The following ELP5 variants were observed in gnomAD, a reference collection of about 807,000 sequenced individuals.
The protein encoded by ELP5 is elongator complex protein 5.
In ELP5, 34 loss-of-function variants were observed where a neutral mutation model predicts 33.4. The ratio of observed to expected loss-of-function variants is 1.02; its 90% CI spans 0.78 to 1.36. ELP5 has a LOEUF of 1.36. Among genes scored for constraint, ELP5 ranks in the 40% most tolerant of loss-of-function variants. ELP5 has a pLI of 0.00. For missense variants in ELP5, 373 were observed against 371.7 expected (o/e 1.00, Z -0.03); for synonymous variants, 161 against 146.4 (o/e 1.10, Z -0.72).
At chr17:7,252,707 A>G in intron 1 of ELP5, 63 bp from the exon 2 acceptor site, 1 of 1,612,538 alleles carries the variant, frequency 6.2e-7, no homozygotes, top group South Asian at 1.1e-5. Context: ...GGAAATCGCG[A>G]CGGGTTCGCG....
At chr17:7,256,213 G>C (rs2072071698) in intron 4 of ELP5, among the ~76,000 whole-genome samples, 4 of 152,204 alleles carry the variant, frequency 2.6e-5, no homozygotes. Flanking sequence ...GCCAGGCGTG[G>C]TGGCACGCGC....
rs745505995 is a variant in ELP5 at position 7,256,937 on chromosome 17, C to T, written c.490C>T (p.Leu164Phe). ...TCATGGACCAGGCCCTGTGGGAGCT[C>T]TCAGCAGCCTTGCTCAGACTGAGGT... is the stretch of plus-strand genomic sequence containing the variant. The part of the protein sequence containing the change: ...ELHGPGPVGA[L>F]SSLAQTEVTL... The change falls in exon 5 of 8, where the codon CTC becomes TTC. Residue 164 changes from leucine (L) to phenylalanine (F), a missense_variant. Leu to Phe is a conservative substitution (Grantham distance 22, BLOSUM62 0). Coordinates refer to ENST00000396628, the MANE Select transcript of ELP5 (RefSeq NM_203414.3). 4 of 1,613,944 alleles carry T rather than the reference C, an allele frequency of 2.5e-6. No individual in the cohort carries two copies. Among genetic ancestry groups the T allele is most frequent in the Non-Finnish European group, 3.4e-6 (4 of 1,180,040 alleles).
At chr17:7,256,269 C>T (rs527625073) in intron 4 of ELP5, among the ~76,000 whole-genome samples, 2 of 152,082 alleles carry the variant, frequency 1.3e-5, no homozygotes, top group South Asian at 2.1e-4. Context: ...TTGTTGAGCC[C>T]GTAGCAGGGG....
chr17:7,252,675 C>A, intron 1 of ELP5, 79 bp downstream of exon 1: 1 of 1,604,286 alleles, frequency 6.2e-7, no homozygotes, highest in Non-Finnish European at 8.5e-7. Context: ...GCAGGAAGGG[C>A]CAGGGGTCAC....
chr17:7,255,291 C>T (rs1193158498), intron 4 of ELP5, among the ~76,000 whole-genome samples: 4 of 151,546 alleles, frequency 2.6e-5, no homozygotes, highest in Non-Finnish European at 5.9e-5. Flanking sequence ...TTTGGGAGGC[C>T]GAGGTGGGTA....
At chr17:7,253,037 C>G in intron 3 of ELP5, 39 bp downstream of exon 3, 12 of 1,592,252 alleles carry the variant, frequency 7.5e-6, no homozygotes, top group Non-Finnish European at 1.0e-5. Flanking sequence ...AAATTTGAGA[C>G]CTATAATGCT....
At chr17:7,259,498 C>T in intron 7 of ELP5, 73 bp from the exon 8 acceptor site, 2 of 1,594,252 alleles carry the variant, frequency 1.3e-6, no homozygotes, top group Non-Finnish European at 1.7e-6. Flanking sequence ...ATGAGAGTCA[C>T]AGTCACCTGG....
chr17:7,256,373 G>A (rs1024138277), intron 4 of ELP5, among the ~76,000 whole-genome samples: 1 of 152,206 alleles, frequency 6.6e-6, no homozygotes, highest in African/African-American at 2.4e-5. Flanking sequence ...ATTGTTAAAT[G>A]TCAGTGATTT....
chr17:7,258,675 A>G lies in ELP5; in HGVS notation c.679A>G (p.Ile227Val), dbSNP rs2072136255. The G allele has an allele frequency of 1.2e-6, 2 of 1,614,096 alleles. No homozygotes were observed. The highest frequency in any genetic ancestry group is 1.7e-6 in the Non-Finnish European group (2 of 1,180,026). Residue 227 changes from isoleucine to valine, a missense_variant, in exon 6 of 8, where the codon ATA (isoleucine) becomes GTA (valine). By Grantham distance (29) the Ile-to-Val change is conservative. Coordinates refer to ENST00000396628, the MANE Select transcript of ELP5 (RefSeq NM_203414.3). ...GTCCCAGCCCTACTCCGATCCTCAT[A>G]TACCCCCGGTATCTAAGAATGCCAA... is the stretch of plus-strand genomic sequence containing the variant. ...VESQPYSDPHIPPVDPTTHLT... is the reference protein window; with the variant it reads ...VESQPYSDPHVPPVDPTTHLT...
At chr17:7,251,795 G>A (rs1280803282), upstream of ELP5, 1 of 147,492 alleles carries the variant, frequency 6.8e-6, no homozygotes, top group African/African-American at 2.5e-5. Flanking sequence ...AGCGGAGAAC[G>A]GGCCTGCAGA....
rs753485217 is a variant in ELP5, at chr17:7,259,571, A to ACAG, written c.793_795dup (p.Gln265dup). 4.9e-5 allele frequency: 79 copies of ACAG among 1,614,038 alleles called. No individual in the cohort carries two copies. The Admixed American group carries it at 1.3e-3, about 27-fold the overall frequency. ...CCAGCACCAAATCTTCCCTTCTCAG[A>ACAG]CAGCAGGCTCTCCTGCGGCCTAGGC... On this transcript the variant is annotated inframe_insertion and splice_region_variant, in exon 8 of 8. Coordinates refer to ENST00000396628, the MANE Select transcript of ELP5 (RefSeq NM_203414.3).
chr17:7,258,362 T>C (rs371517326), intron 5 of ELP5, among the ~76,000 whole-genome samples: 3 of 150,104 alleles, frequency 2.0e-5, no homozygotes, highest in African/African-American at 7.4e-5. Flanking sequence ...GGCAGGAGAA[T>C]CACTTGAACC....
chr17:7,257,236 G>A (rs999042036), intron 5 of ELP5, among the ~76,000 whole-genome samples, 198 bp downstream of exon 5: 8 of 152,166 alleles, frequency 5.3e-5, no homozygotes, highest in Non-Finnish European at 8.8e-5. Flanking sequence ...CTCCCAAAGT[G>A]CTAGGATTAC....
At chr17:7,253,229 G>A (rs1329724568) in intron 3 of ELP5, among the ~76,000 whole-genome samples, 2 of 152,192 alleles carry the variant, frequency 1.3e-5, no homozygotes, top group Non-Finnish European at 2.9e-5. Flanking sequence ...GAAATAGGGA[G>A]AACATGTGGG....
chr17:7,258,207 G>A (rs2072120708), intron 5 of ELP5, among the ~76,000 whole-genome samples: 1 of 152,186 alleles, frequency 6.6e-6, no homozygotes, highest in Non-Finnish European at 1.5e-5. Context: ...CCAGCATTTT[G>A]GGAGGCCGAA....
Position 7,259,799 on chromosome 17 carries a change from C to T in ELP5, c.*114C>T. On this transcript the variant is annotated 3_prime_UTR_variant, in exon 8 of 8. Transcript: ENST00000396628. ...CCCTGTCCCTGCCCCACCTTGGTTCCCCTTGTCTATGGAGCCCCGCCTTGT... is the reference window on the plus strand; with the variant it reads ...CCCTGTCCCTGCCCCACCTTGGTTCTCCTTGTCTATGGAGCCCCGCCTTGT... 6.7e-7 allele frequency: 1 copy of T among 1,497,580 alleles called. No individual in the cohort carries two copies. Among genetic ancestry groups the T allele is most frequent in the African/African-American group, 1.4e-5 (1 of 72,452 alleles). 92.8% of individuals were successfully genotyped at this position (1,497,580 alleles called of 1,614,324 possible). A position where few individuals can be genotyped will look rare whatever the true frequency, so the allele number is the denominator to read the frequency against.
Position 7,258,634 on chromosome 17 carries a change from A to C in ELP5, c.638A>C (p.Glu213Ala). The C allele has an allele frequency of 1.9e-6, 3 of 1,614,134 alleles. No individual in the cohort carries two copies. The highest frequency in any genetic ancestry group is 2.5e-6 in the Non-Finnish European group (3 of 1,180,034). ...CCGGACTTCAGCCTGGATCTCCAAG[A>C]GGGGCCCTCTGTAGAGTCCCAGCCC... ...ILPDFSLDLQ[E>A]GPSVESQPYS... The change falls in exon 6 of 8, where the codon GAG becomes GCG. Residue 213 changes from glutamate (E) to alanine (A), a missense_variant. Physicochemically the swap from Glu to Ala is moderately radical, Grantham distance 107. Coordinates refer to ENST00000396628, the MANE Select transcript of ELP5 (RefSeq NM_203414.3).
chr17:7,252,992 A>G lies in ELP5; in HGVS notation c.182A>G (p.Asn61Ser), dbSNP rs767947581. ...EFREGFDSDI[N>S]NRLVYHDFFR... ...CGTGAAGGTTTTGACTCTGATATCA[A>G]CAATCGGTAAGTACCAGTTGGAAGA... is the stretch of plus-strand genomic sequence containing the variant. Residue 61 changes from asparagine (N) to serine (S), a missense_variant, in exon 3 of 8, where the codon AAC becomes AGC. Physicochemically the swap from Asn to Ser is conservative, Grantham distance 46. Coordinates refer to ENST00000396628, the MANE Select transcript of ELP5 (RefSeq NM_203414.3). 5 of 1,614,182 alleles carry G rather than the reference A, an allele frequency of 3.1e-6. No homozygotes were observed. The highest frequency in any genetic ancestry group is 1.6e-4 in the Middle Eastern group (1 of 6,062).
intron 5 of ELP5, 23 bp from the exon 6 acceptor site, chr17:7,258,565 A>T: frequency 6.2e-7 from 1 of 1,610,462 alleles, no homozygotes; most frequent in South Asian, 1.1e-5. Context: ...GATGAAAAAA[A>T]CTCTTTTCTT....
Sources: allele counts gnomAD v4.1 joint callset (sites outside exome capture counted in the v4.1 genomes callset), GRCh38; gene constraint gnomAD v4.1.1; transcripts MANE v1.5; gene names NCBI Gene and HGNC (gene_info 2026-07-23, HGNC 2026-07-21).